MTMR8: variants seen among roughly 807,000 people sequenced by gnomAD.
MTMR8 encodes phosphatidylinositol-3,5-bisphosphate 3-phosphatase MTMR8.
In MTMR8, 65 loss-of-function variants were observed where a neutral mutation model predicts 39.3. The ratio of observed to expected loss-of-function variants is 1.65; its 90% CI spans 1.35 to 2.03. MTMR8 has a LOEUF of 2.03. MTMR8 is among the 30% of genes most tolerant of loss of function. The pLI is 0.00. For synonymous variants in MTMR8, 245 were observed against 185.2 expected, an observed-to-expected ratio of 1.32 and a Z score of -2.62; for missense variants, 777 against 538.9, an observed-to-expected ratio of 1.44 and a Z score of -4.37.
At chrX:64,387,445 A>G (rs969174720) in intron 1 of MTMR8, among the ~76,000 whole-genome samples, 1 of 110,710 alleles carries the variant, frequency 9.0e-6, no homozygotes, top group Non-Finnish European at 1.9e-5. Context: ...GGAGGGGAAA[A>G]TTATTGATAT....
At chrX:64,314,440 G>C (rs922011960) in intron 12 of MTMR8, among the ~76,000 whole-genome samples, 1 of 112,536 alleles carries the variant, frequency 8.9e-6, no homozygotes, top group Admixed American at 9.3e-5. Flanking sequence ...TTAGCATGGG[G>C]GTAGGGCACT....
intron 12 of MTMR8, among the ~76,000 whole-genome samples, chrX:64,316,771 T>C (rs756704453): frequency 3.9e-4 from 44 of 111,441 alleles, no homozygotes; most frequent in Admixed American, 6.7e-4. Flanking sequence ...TCATTTAAAC[T>C]GTTTTTCCCC....
intron 8 of MTMR8, among the ~76,000 whole-genome samples, chrX:64,342,877 C>T (rs1923254882): frequency 1.8e-5 from 2 of 112,000 alleles, no homozygotes; most frequent in Admixed American, 1.9e-4. Context: ...GTAGAGTACT[C>T]ATGTAGAAAT....
At chrX:64,380,322 A>G (rs1023690072) in intron 1 of MTMR8, among the ~76,000 whole-genome samples, 2 of 112,884 alleles carry the variant, frequency 1.8e-5, no homozygotes, top group Non-Finnish European at 3.7e-5. Flanking sequence ...TAAACTCTGC[A>G]GTGACTTAGC....
At chrX:64,335,280 C>T (rs1923044677) in intron 10 of MTMR8, among the ~76,000 whole-genome samples, 2 of 110,651 alleles carry the variant, frequency 1.8e-5, no homozygotes, top group Admixed American at 9.6e-5. Flanking sequence ...TATAGGCACC[C>T]GCCACCATGT....
chrX:64,325,979 G>T (rs956117351), intron 12 of MTMR8, among the ~76,000 whole-genome samples: 4 of 111,706 alleles, frequency 3.6e-5, no homozygotes, highest in African/African-American at 9.7e-5. Flanking sequence ...ACTACCAGTA[G>T]CCCACTGTTG....
chrX:64,292,416 T>G (rs775463692), intron 12 of MTMR8, among the ~76,000 whole-genome samples: 4 of 110,978 alleles, frequency 3.6e-5, no homozygotes, highest in Admixed American at 9.6e-5. Flanking sequence ...AGTAGGTGCA[T>G]GTTGGACCTC....
intron 1 of MTMR8, among the ~76,000 whole-genome samples, chrX:64,366,820 G>C (rs754171580): frequency 4.5e-5 from 5 of 111,553 alleles, no homozygotes; most frequent in Non-Finnish European, 7.5e-5. Context: ...TCCAGGAGCT[G>C]GGTTTTTGAA....
At chrX:64,356,422 T>A in intron 2 of MTMR8, 84 bp from the exon 3 acceptor site, 1 of 878,938 alleles carries the variant, frequency 1.1e-6, no homozygotes, top group Non-Finnish European at 1.6e-6. Context: ...TCCGTAATGG[T>A]AACAGCATGA....
At chrX:64,393,105 A>G (rs146279126) in intron 1 of MTMR8, among the ~76,000 whole-genome samples, 1 of 111,946 alleles carries the variant, frequency 8.9e-6, no homozygotes, top group Admixed American at 9.5e-5. Context: ...TGCAGTACAA[A>G]TGGAGTCTGA....
chrX:64,342,470 C>A (rs947344201), intron 8 of MTMR8, among the ~76,000 whole-genome samples: 3 of 112,317 alleles, frequency 2.7e-5, no homozygotes, highest in Admixed American at 1.9e-4. Context: ...TTAATTCAAC[C>A]AATATTTATA....
At chrX:64,381,527 G>A (rs1924423795) in intron 1 of MTMR8, among the ~76,000 whole-genome samples, 1 of 103,771 alleles carries the variant, frequency 9.6e-6, no homozygotes, top group South Asian at 5.1e-4. Context: ...TGGGTAGATT[G>A]CAAAAATTTT....
chrX:64,284,812 C>A (rs1921096965), intron 12 of MTMR8, among the ~76,000 whole-genome samples: 1 of 111,997 alleles, frequency 8.9e-6, no homozygotes, highest in Admixed American at 9.5e-5. Flanking sequence ...CCTACAAGAG[C>A]TCCTGAAGGA....
At position 64,268,652 on chromosome X, in the gene MTMR8, G is replaced by A; in HGVS notation, c.2000C>T (p.Ser667Phe). Residue 667 changes from serine (S) to phenylalanine (F), a missense_variant, in exon 14 of 14, where the codon TCT (serine) becomes TTT (phenylalanine). Physicochemically the swap from Ser to Phe is radical, Grantham distance 155. Transcript: ENST00000374852. ...GGCCTCAGAAATACCCAAGTTTCCA[G>A]AGATGCCAGTGGCCTCAGAGATGTC... ...AMDISEATGI[S>F]GNLGISEARG... 1 of 1,211,703 alleles carries A rather than the reference G, an allele frequency of 8.3e-7. No individual in the cohort carries two copies. Among genetic ancestry groups the A allele is most frequent in the Non-Finnish European group, 1.1e-6 (1 of 895,508 alleles).
chrX:64,299,372 T>C (rs1449904931), intron 12 of MTMR8, among the ~76,000 whole-genome samples: 10 of 103,923 alleles, frequency 9.6e-5, no homozygotes, highest in African/African-American at 3.6e-4. Flanking sequence ...TGCGTAGAGG[T>C]GTTTGTAGTA....
At chrX:64,381,042 C>A (rs771885820) in intron 1 of MTMR8, among the ~76,000 whole-genome samples, 69 of 112,009 alleles carry the variant, frequency 6.2e-4, no homozygotes, top group African/African-American at 2.2e-3. Context: ...GTGAATAGTG[C>A]CGCAATAAAC....
At chrX:64,335,468 G>A (rs1413419574) in intron 10 of MTMR8, among the ~76,000 whole-genome samples, 2 of 112,151 alleles carry the variant, frequency 1.8e-5, no homozygotes, top group African/African-American at 6.5e-5. Context: ...AATCAGCTTA[G>A]TGTCTGATAT....
intron 12 of MTMR8, chrX:64,305,903 C>T (rs1287769892): frequency 8.4e-6 from 2 of 239,337 alleles, no homozygotes; most frequent in African/African-American, 5.8e-5. Flanking sequence ...ATTCTTGAGT[C>T]CAGGAGTTAG....
chrX:64,377,618 C>G (rs1924304745), intron 1 of MTMR8, among the ~76,000 whole-genome samples: 1 of 112,429 alleles, frequency 8.9e-6, no homozygotes, highest in South Asian at 3.6e-4. Flanking sequence ...CTGGAAGTAA[C>G]TAACTTGTTT....
Sources: allele counts gnomAD v4.1 joint callset (sites outside exome capture counted in the v4.1 genomes callset), GRCh38; gene constraint gnomAD v4.1.1; transcripts MANE v1.5; gene names NCBI Gene and HGNC (gene_info 2026-07-23, HGNC 2026-07-21).